Variants in SENP7 observed in about 807,000 individuals in gnomAD.
The protein encoded by SENP7 is SUMO specific peptidase 7.
Under a neutral mutation model 141.2 loss-of-function variants are expected in SENP7, and 64 were observed. That is an observed-to-expected ratio of 0.45 (90% confidence interval 0.37 to 0.56). The LOEUF (loss-of-function observed/expected upper bound fraction) is 0.56, where lower values mean the gene tolerates loss of function less well. Ranked by LOEUF, SENP7 falls within the 20% of genes least tolerant of loss-of-function variation. The pLI is 0.00. For missense variants in SENP7, 1,025 were observed against 1,212.2 expected (o/e 0.85, Z 2.29); for synonymous variants, 382 against 426.4 (o/e 0.90, Z 1.28).
At chr3:101,429,532 T>C (rs1056619654) in intron 4 of SENP7, among the ~76,000 whole-genome samples, 5 of 152,216 alleles carry the variant, frequency 3.3e-5, no homozygotes, top group Non-Finnish European at 7.3e-5. Flanking sequence ...TTTTTGCACA[T>C]TGATTTTGTA....
intron 5 of SENP7, among the ~76,000 whole-genome samples, chr3:101,405,777 C>T (rs111703326): frequency 2.6e-5 from 4 of 152,032 alleles, no homozygotes; most frequent in African/African-American, 9.7e-5. Flanking sequence ...TATAGAAATG[C>T]AAAATGCTCT....
chr3:101,408,881 A>G (rs1576256500), intron 5 of SENP7, among the ~76,000 whole-genome samples: 1 of 152,194 alleles, frequency 6.6e-6, no homozygotes, highest in South Asian at 2.1e-4. Flanking sequence ...CAAGACAAGG[A>G]TGCCCACTCT....
chr3:101,340,090 C>T lies in SENP7; in HGVS notation c.2357+5G>A. On this transcript the variant is annotated splice_donor_5th_base_variant and intron_variant, in intron 16 of 23. Transcript: ENST00000394095. ...ATATGTAGGATCATTTATCATTGTA[C>T]TTACTTAAGGTAAAAATCAATGATT... 1 of 1,566,552 alleles carries T rather than the reference C, an allele frequency of 6.4e-7. No individual in the cohort carries two copies. The highest frequency in any genetic ancestry group is 8.6e-7 in the Non-Finnish European group (1 of 1,164,014).
At chr3:101,367,747 G>C in intron 8 of SENP7, 83 bp downstream of exon 8, 1 of 840,604 alleles carries the variant, frequency 1.2e-6, no homozygotes, top group South Asian at 2.2e-5. Context: ...CTGAAAGCTA[G>C]AGGAACATTA....
At chr3:101,451,380 T>C (rs541705789) in intron 4 of SENP7, among the ~76,000 whole-genome samples, 1 of 152,260 alleles carries the variant, frequency 6.6e-6, no homozygotes, top group African/African-American at 2.4e-5. Context: ...GCCAGCATCA[T>C]CCTGATACCA....
chr3:101,478,009 C>A (rs1016761528), intron 3 of SENP7, among the ~76,000 whole-genome samples: 1 of 151,654 alleles, frequency 6.6e-6, no homozygotes, highest in African/African-American at 2.4e-5. Context: ...CTAACACACA[C>A]ACATACCCTA....
intron 6 of SENP7, among the ~76,000 whole-genome samples, chr3:101,375,768 C>A (rs2060311046): frequency 6.6e-6 from 1 of 151,962 alleles, no homozygotes; most frequent in African/African-American, 2.4e-5. Flanking sequence ...TATATTCATA[C>A]AATAAAATAT....
chr3:101,434,189 C>G (rs1305662553), intron 4 of SENP7, among the ~76,000 whole-genome samples: 1 of 151,762 alleles, frequency 6.6e-6, no homozygotes, highest in Non-Finnish European at 1.5e-5. Context: ...GCCAATGGGC[C>G]AATGAAGACA....
At position 101,399,016 on chromosome 3, in the gene SENP7, C is replaced by G; in HGVS notation, c.522G>C (p.Glu174Asp). Residue 174 changes from glutamate (E) to aspartate (D), a missense_variant, in exon 6 of 24, where the codon GAG (glutamate) becomes GAC (aspartate). This residue lies in a region of SENP7 where 496 missense variants were observed against 503.5 expected (regional missense o/e 0.99). Transcript: ENST00000394095. ...GGGTCCTTATGTATTTTCTTCCTAA[C>G]TCCGTTCCCAGGACATTCGTCAATA... Reference protein sequence around the residue: ...RVILTNVLGTELGRKYIRTPP... With the variant: ...RVILTNVLGTDLGRKYIRTPP... The G allele has an allele frequency of 6.2e-7, 1 of 1,613,124 alleles. No homozygotes were observed. The highest frequency in any genetic ancestry group is 8.5e-7 in the Non-Finnish European group (1 of 1,179,374).
intron 3 of SENP7, among the ~76,000 whole-genome samples, chr3:101,462,948 CAA>C (rs2063597819): frequency 6.6e-6 from 1 of 151,880 alleles, no homozygotes; most frequent in African/African-American, 2.4e-5. Flanking sequence ...TTCTGCTCAT[CAA>C]AAGACATACA....
chr3:101,389,968 C>T (rs1011868848), intron 6 of SENP7, among the ~76,000 whole-genome samples: 3 of 152,000 alleles, frequency 2.0e-5, no homozygotes, highest in African/African-American at 7.3e-5. Context: ...GCTTGTAATC[C>T]CAGCACTTTG....
intron 3 of SENP7, among the ~76,000 whole-genome samples, chr3:101,481,159 C>T (rs2064461053): frequency 6.6e-6 from 1 of 150,586 alleles, no homozygotes; most frequent in Admixed American, 6.6e-5. Context: ...GAAAGGAAAA[C>T]AATATTTCAA....
chr3:101,487,252 A>C (rs2108069843), intron 3 of SENP7, among the ~76,000 whole-genome samples: 1 of 152,306 alleles, frequency 6.6e-6, no homozygotes, highest in Admixed American at 6.5e-5. Context: ...TTTAAACCAT[A>C]CCTTAAAACA....
At chr3:101,332,941 T>C (rs1179777245) in intron 17 of SENP7, 79 bp from the exon 18 acceptor site, 2 of 1,319,884 alleles carry the variant, frequency 1.5e-6, no homozygotes, top group East Asian at 2.7e-5. Context: ...TTTTTATATA[T>C]TGAAATATCT....
intron 9 of SENP7, among the ~76,000 whole-genome samples, chr3:101,366,050 C>T (rs2060030106): frequency 6.6e-6 from 1 of 152,180 alleles, no homozygotes; most frequent in South Asian, 2.1e-4. Context: ...GTGATGGCAT[C>T]AACTACTCAG....
At chr3:101,382,472 C>A (rs1321018973) in intron 6 of SENP7, among the ~76,000 whole-genome samples, 3 of 152,136 alleles carry the variant, frequency 2.0e-5, no homozygotes, top group Admixed American at 6.5e-5. Flanking sequence ...GTATGAGTCA[C>A]CACACCCAAG....
intron 4 of SENP7, among the ~76,000 whole-genome samples, chr3:101,448,240 A>C (rs1258709988): frequency 6.6e-6 from 1 of 152,194 alleles, no homozygotes; most frequent in Non-Finnish European, 1.5e-5. Flanking sequence ...AAAACAGATA[A>C]ATGGGACTTC....
chr3:101,364,516 A>G (rs1222655402), intron 10 of SENP7, among the ~76,000 whole-genome samples: 1 of 152,220 alleles, frequency 6.6e-6, no homozygotes, highest in African/African-American at 2.4e-5. Context: ...CCAGACATAT[A>G]AATACTAGAA....
At chr3:101,488,397 C>T (rs2064818037) in intron 3 of SENP7, among the ~76,000 whole-genome samples, 1 of 152,146 alleles carries the variant, frequency 6.6e-6, no homozygotes, top group African/African-American at 2.4e-5. Flanking sequence ...AGAAACATTT[C>T]ATCAGTGGAG....
Sources: allele counts gnomAD v4.1 joint callset (sites outside exome capture counted in the v4.1 genomes callset), GRCh38; gene constraint gnomAD v4.1.1; regional missense constraint gnomAD v4.1.1; transcripts MANE v1.5; gene names NCBI Gene and HGNC (gene_info 2026-07-23, HGNC 2026-07-21).